Variants in TIAM2 observed in about 807,000 individuals in gnomAD.
TIAM2 encodes the protein TIAM Rac1 associated GEF 2, also known as rho guanine nucleotide exchange factor TIAM2.
TIAM2 carries 80 observed loss-of-function variants against 152.9 expected under a neutral mutation model. The observed-to-expected ratio is 0.52, with a 90% CI of 0.44 to 0.63. TIAM2 has a LOEUF of 0.63. Ranked by LOEUF, TIAM2 falls within the 30% of genes least tolerant of loss-of-function variation. The pLI is 0.00. For missense variants in TIAM2, 1,965 were observed against 2,120.1 expected (o/e 0.93, Z 1.44); for synonymous variants, 804 against 838.0 (o/e 0.96, Z 0.70).
chr6:155,212,731 A>T (rs1159421621), intron 15 of TIAM2, among the ~76,000 whole-genome samples: 1 of 152,108 alleles, frequency 6.6e-6, no homozygotes. Context: ...CTCAACTTGC[A>T]CTACTGGCCT....
chr6:155,222,286 G>A (rs1000121353), intron 15 of TIAM2, among the ~76,000 whole-genome samples: 4 of 150,144 alleles, frequency 2.7e-5, no homozygotes, highest in African/African-American at 7.4e-5. Flanking sequence ...AAGCCACCTC[G>A]ACATGGGGTA....
rs1485752 is a variant in TIAM2, at chr6:155,162,716, G to A, written c.2029-1699G>A. Reference sequence around the variant, plus strand: ...GACCTAATGGATAAAATCTTCAGGCGTAGGACCTGGGCATCTGCATTTTTA... The same window carrying A: ...GACCTAATGGATAAAATCTTCAGGCATAGGACCTGGGCATCTGCATTTTTA... On this transcript the variant is annotated intron_variant, in intron 7 of 26. Transcript: ENST00000682666. Among the ~76,000 whole-genome samples, 1,213 of 152,266 alleles carry A rather than the reference G, an allele frequency of 8.0e-3. 18 individuals are homozygous for A. The highest frequency in any genetic ancestry group is 0.027 in the African/African-American group (1,116 of 41,542).
intron 2 of TIAM2, among the ~76,000 whole-genome samples, chr6:155,118,728 C>CA (rs1189268146): frequency 1.3e-5 from 2 of 152,106 alleles, no homozygotes; most frequent in East Asian, 3.9e-4. Flanking sequence ...AGCCACCGCG[C>CA]ACGGCCTTCT....
intron 15 of TIAM2, among the ~76,000 whole-genome samples, chr6:155,226,629 C>T (rs548848233): frequency 2.0e-5 from 3 of 147,094 alleles, no homozygotes; most frequent in East Asian, 4.0e-4. Flanking sequence ...CGTGCCACTG[C>T]ACTCCAGCCT....
Position 155,130,826 on chromosome 6 carries a change from G to C in TIAM2, c.1194+409G>C, listed in dbSNP as rs1188865684. The stretch of plus-strand genomic sequence containing the variant: ...TCACTGTGTCCTCATGCGGCAGAGA[G>C]AGCAGGAGGTCTAGGCTCTTTTCCT... On this transcript the variant is annotated intron_variant, in intron 4 of 26. Transcript: ENST00000682666. 2.6e-5 allele frequency among the ~76,000 whole-genome samples: 4 copies of C among 152,190 alleles called. No homozygotes were observed. The South Asian group carries it at 6.2e-4, about 24-fold the overall frequency.
At chr6:155,238,104 T>C (rs1241869861) in intron 15 of TIAM2, among the ~76,000 whole-genome samples, 1 of 152,252 alleles carries the variant, frequency 6.6e-6, no homozygotes, top group African/African-American at 2.4e-5. Context: ...AATGCTTTGC[T>C]GTTTAGAAAT....
At position 155,028,321 on chromosome 6, in the gene TIAM2, A is replaced by T. The variant is rs1367373813; in HGVS notation, c.-209+32829A>T. On this transcript the variant is annotated intron_variant, in intron 1 of 26. Transcript: ENST00000682666. ...ACTACATATATGTACTGTGTTACAT[A>T]TATACTACATATAATATATACTGTG... 1.1e-4 allele frequency among the ~76,000 whole-genome samples: 12 copies of T among 106,238 alleles called. 3 individuals carry two copies. Among genetic ancestry groups the T allele is most frequent in the African/African-American group, 5.3e-4 (11 of 20,600 alleles). The allele number at this position is 106,238 out of a possible 152,430, so 69.7% of individuals were successfully genotyped here. A position where few individuals can be genotyped will look rare whatever the true frequency, so the allele number is the denominator to read the frequency against.
At chr6:155,199,687 A>C (rs1781434097) in intron 14 of TIAM2, among the ~76,000 whole-genome samples, 2 of 152,224 alleles carry the variant, frequency 1.3e-5, no homozygotes, top group Admixed American at 1.3e-4. Context: ...AATTTTATGA[A>C]GCGAAAAAAG....
At chr6:155,091,688 A>C (rs572053963) in intron 2 of TIAM2, among the ~76,000 whole-genome samples, 25 of 152,064 alleles carry the variant, frequency 1.6e-4, no homozygotes, top group Non-Finnish European at 2.9e-4. Context: ...GTTTGTGTTG[A>C]CCTTTTTCTT....
chr6:155,167,397 T>G (rs1780471343), intron 9 of TIAM2, among the ~76,000 whole-genome samples: 1 of 152,058 alleles, frequency 6.6e-6, no homozygotes. Flanking sequence ...AATTTTTATA[T>G]TTTTAGTAGA....
chr6:155,137,869 C>G (rs1779591820), intron 5 of TIAM2, among the ~76,000 whole-genome samples: 1 of 152,116 alleles, frequency 6.6e-6, no homozygotes, highest in African/African-American at 2.4e-5. Context: ...CAGAGTCTTG[C>G]TTTGTTGCCC....
intron 1 of TIAM2, among the ~76,000 whole-genome samples, chr6:154,997,919 T>C (rs1221730166): frequency 1.3e-5 from 2 of 152,154 alleles, no homozygotes; most frequent in African/African-American, 4.8e-5. Context: ...ATTGTAGGCA[T>C]GAGCCACCGT....
Position 155,067,707 on chromosome 6 carries a change from C to G in TIAM2, c.-208-22582C>G, listed in dbSNP as rs1419856657. 2.0e-5 allele frequency among the ~76,000 whole-genome samples: 3 copies of G among 152,174 alleles called. No individual in the cohort carries two copies. The East Asian group carries it at 5.8e-4, about 29-fold the overall frequency. ...CCAGGCTGGAATGCAGTGTCGTCAT[C>G]ATGGCTCACTGCAGCCTCCACCTCC... On this transcript the variant is annotated intron_variant, in intron 1 of 26. Coordinates refer to ENST00000682666, the MANE Select transcript of TIAM2 (RefSeq NM_012454.4).
intron 1 of TIAM2, among the ~76,000 whole-genome samples, chr6:155,008,075 C>T (rs1295956765): frequency 6.6e-6 from 1 of 152,086 alleles, no homozygotes; most frequent in Non-Finnish European, 1.5e-5. Context: ...AATTGTCGAC[C>T]TTAAATAATA....
At chr6:155,024,696 TA>T (rs1005861845) in intron 1 of TIAM2, among the ~76,000 whole-genome samples, 3 of 150,522 alleles carry the variant, frequency 2.0e-5, no homozygotes, top group Admixed American at 1.3e-4. Context: ...AGCCAAGCTA[TA>T]AAAAGTAAAT....
chr6:155,192,290 T>C (rs1340944085), intron 14 of TIAM2, among the ~76,000 whole-genome samples: 2 of 152,152 alleles, frequency 1.3e-5, no homozygotes, highest in African/African-American at 4.8e-5. Context: ...AGCACCATGT[T>C]TGATGGCAGA....
intron 21 of TIAM2, 147 bp from the exon 22 acceptor site, chr6:155,250,764 CGT>C (rs1783606379): frequency 9.1e-7 from 1 of 1,100,536 alleles, no homozygotes; most frequent in East Asian, 2.5e-5. Context: ...AAAGCTCCAC[CGT>C]TTAAGGCCCC....
intron 1 of TIAM2, among the ~76,000 whole-genome samples, chr6:155,012,881 A>G (rs1474023619): frequency 1.3e-5 from 2 of 152,260 alleles, no homozygotes; most frequent in Admixed American, 6.5e-5. Context: ...TACTAAAAAC[A>G]GACATCTTAA....
intron 1 of TIAM2, among the ~76,000 whole-genome samples, chr6:155,029,078 C>CTATGTTATATATACACTGTATGTACTATG (rs201915971): frequency 2.2e-5 from 1 of 45,632 alleles, no homozygotes; most frequent in African/African-American, 1.6e-4. Context: ...ACTATATATA[C>CTATGTTATATATACACTGTATGTACTATG]TGTTATATAT....
Sources: gnomAD v4.1 joint callset for allele counts (sites outside exome capture counted in the v4.1 genomes callset) on GRCh38, gnomAD v4.1.1 for gene constraint, MANE v1.5 for transcripts, NCBI Gene and HGNC (gene_info 2026-07-23, HGNC 2026-07-21) for gene names.